The following GUCY1A2 variants were observed in gnomAD, a reference collection of about 807,000 sequenced individuals.
The protein encoded by GUCY1A2 is guanylate cyclase soluble subunit alpha-2.
GUCY1A2 carries 27 observed loss-of-function variants against 63.5 expected under a neutral mutation model. That is an observed-to-expected ratio of 0.43 (90% CI 0.31 to 0.59). GUCY1A2 has a LOEUF of 0.59. Ranked by LOEUF, GUCY1A2 falls within the 20% of genes least tolerant of loss-of-function variation. The pLI, the probability that GUCY1A2 is intolerant of heterozygous loss-of-function variation, is 0.11. For synonymous variants in GUCY1A2, 364 were observed against 343.5 expected, an observed-to-expected ratio of 1.06 and a Z score of -0.66; for missense variants, 768 against 913.3, an observed-to-expected ratio of 0.84 and a Z score of 2.05.
intron 4 of GUCY1A2, among the ~76,000 whole-genome samples, chr11:106,919,563 AAACT>A (rs1296391476): frequency 6.6e-6 from 1 of 152,148 alleles, no homozygotes; most frequent in African/African-American, 2.4e-5. Flanking sequence ...GCAATGTGGA[AAACT>A]AACAATAGAC....
At chr11:106,990,924 T>C (rs1350378432) in intron 1 of GUCY1A2, among the ~76,000 whole-genome samples, 1 of 152,194 alleles carries the variant, frequency 6.6e-6, no homozygotes, top group Non-Finnish European at 1.5e-5. Context: ...TAGTGACATA[T>C]ACTCACAAGA....
intron 5 of GUCY1A2, among the ~76,000 whole-genome samples, chr11:106,803,880 C>T (rs910655688): frequency 6.6e-6 from 1 of 152,158 alleles, no homozygotes; most frequent in Non-Finnish European, 1.5e-5. Context: ...AACCAAAGTG[C>T]TCGCCAAAGG....
chr11:106,823,317 T>G (rs1353861746), intron 4 of GUCY1A2, among the ~76,000 whole-genome samples: 1 of 152,164 alleles, frequency 6.6e-6, no homozygotes, highest in Non-Finnish European at 1.5e-5. Flanking sequence ...CACTGTTTAG[T>G]GCAGACTTAT....
chr11:106,706,088 ATATT>A (rs1319706408), intron 7 of GUCY1A2, among the ~76,000 whole-genome samples: 2 of 152,208 alleles, frequency 1.3e-5, no homozygotes, highest in African/African-American at 2.4e-5. Context: ...AATTATTTGA[ATATT>A]TAAGACAAAA....
intron 3 of GUCY1A2, among the ~76,000 whole-genome samples, chr11:106,954,637 T>C (rs1591341960): frequency 6.6e-6 from 1 of 152,178 alleles, no homozygotes; most frequent in Non-Finnish European, 1.5e-5. Flanking sequence ...GTGTGGGAGT[T>C]TAAGTCTCTT....
intron 4 of GUCY1A2, among the ~76,000 whole-genome samples, chr11:106,868,623 A>C (rs575648440): frequency 6.6e-6 from 1 of 152,286 alleles, no homozygotes; most frequent in East Asian, 1.9e-4. Flanking sequence ...AAACAAATGG[A>C]AGAACATTCC....
At chr11:106,977,453 A>G (rs1333555817) in intron 3 of GUCY1A2, among the ~76,000 whole-genome samples, 1 of 152,190 alleles carries the variant, frequency 6.6e-6, no homozygotes, top group Non-Finnish European at 1.5e-5. Flanking sequence ...TGTTATAGAC[A>G]AACCACTAAC....
chr11:106,874,481 G>C (rs1859722237), intron 4 of GUCY1A2, among the ~76,000 whole-genome samples: 2 of 152,130 alleles, frequency 1.3e-5, no homozygotes, highest in African/African-American at 4.8e-5. Context: ...TCAAAGCAGA[G>C]TTGTTCTGAA....
intron 5 of GUCY1A2, among the ~76,000 whole-genome samples, chr11:106,808,293 C>T (rs1393976544): frequency 6.6e-6 from 1 of 151,860 alleles, no homozygotes; most frequent in Non-Finnish European, 1.5e-5. Flanking sequence ...TTTATATAAA[C>T]ATTTTGTAAG....
intron 4 of GUCY1A2, among the ~76,000 whole-genome samples, chr11:106,918,082 T>C (rs2119889930): frequency 6.9e-6 from 1 of 144,866 alleles, no homozygotes; most frequent in South Asian, 2.5e-4. Context: ...ACTACTGCTC[T>C]GGGTAGAACA....
intron 6 of GUCY1A2, among the ~76,000 whole-genome samples, chr11:106,709,481 T>C (rs1278168254): frequency 1.8e-5 from 1 of 56,180 alleles, no homozygotes; most frequent in Non-Finnish European, 2.8e-5. Flanking sequence ...TATATTATTA[T>C]ATATTTATAT....
intron 5 of GUCY1A2, among the ~76,000 whole-genome samples, chr11:106,801,771 A>C (rs1304704771): frequency 6.6e-6 from 1 of 152,146 alleles, no homozygotes; most frequent in Non-Finnish European, 1.5e-5. Flanking sequence ...TGGATACCCC[A>C]TTTTCCATGA....
chr11:106,781,767 C>T (rs1425345223), intron 5 of GUCY1A2, among the ~76,000 whole-genome samples: 2 of 151,232 alleles, frequency 1.3e-5, no homozygotes, highest in Non-Finnish European at 2.9e-5. Context: ...AGGGTTTCAC[C>T]ATGTTGCCCA....
At position 107,017,750 on chromosome 11, in the gene GUCY1A2, C is replaced by G; in HGVS notation, c.303+3G>C. 1 of 1,395,146 alleles carries G rather than the reference C, an allele frequency of 7.2e-7. No individual in the cohort carries two copies. Among genetic ancestry groups the G allele is most frequent in the Non-Finnish European group, 9.3e-7 (1 of 1,075,814 alleles). The allele number at this position is 1,395,146 out of a possible 1,614,324, so 86.4% of individuals were successfully genotyped here. On this transcript the variant is annotated splice_donor_region_variant and intron_variant, in intron 1 of 7. Coordinates refer to ENST00000526355, the MANE Select transcript of GUCY1A2 (RefSeq NM_000855.3). ...GCGGTCCCCCCTTCCGCCCCCCGCTCACCGAGGGCGCCGTCAGGCGGCTGA... is the reference window on the plus strand; with the variant it reads ...GCGGTCCCCCCTTCCGCCCCCCGCTGACCGAGGGCGCCGTCAGGCGGCTGA...
At chr11:106,994,859 G>T (rs1861515102) in intron 1 of GUCY1A2, among the ~76,000 whole-genome samples, 1 of 152,112 alleles carries the variant, frequency 6.6e-6, no homozygotes, top group African/African-American at 2.4e-5. Context: ...TGAGATTGTT[G>T]TTTTCCCAAA....
chr11:106,840,706 A>G (rs1859184121), intron 4 of GUCY1A2, among the ~76,000 whole-genome samples: 1 of 151,956 alleles, frequency 6.6e-6, no homozygotes, highest in South Asian at 2.1e-4. Context: ...TCAATTTAAA[A>G]TGGTTCTATC....
rs1430883301 is a variant in GUCY1A2 at position 106,939,770 on chromosome 11, G to A, written c.896C>T (p.Thr299Ile). Residue 299 changes from threonine (T) to isoleucine (I), a missense_variant, in exon 4 of 8, where the codon ACT becomes ATT. Thr to Ile is a moderately conservative substitution (Grantham distance 89). This residue lies in a region of GUCY1A2 where 496 missense variants were observed against 486.9 expected (regional missense o/e 1.02). Transcript: ENST00000526355. ...LTFLIKECEN[T>I]NIMKNLPQGT... ...CTGTGGAAGGTTCTTCATGATATTA[G>A]TATTTTCACATTCTTTGATAAGGAA... 2 of 1,613,948 alleles carry A rather than the reference G, an allele frequency of 1.2e-6. No homozygotes were observed. Among genetic ancestry groups the A allele is most frequent in the East Asian group, 4.5e-5 (2 of 44,882 alleles).
At chr11:106,730,570 T>C (rs1863486463) in intron 6 of GUCY1A2, among the ~76,000 whole-genome samples, 1 of 152,122 alleles carries the variant, frequency 6.6e-6, no homozygotes, top group Non-Finnish European at 1.5e-5. Flanking sequence ...AGTGCTGCAG[T>C]GAACATACAC....
intron 2 of GUCY1A2, among the ~76,000 whole-genome samples, chr11:106,981,739 T>C (rs1256662660): frequency 8.5e-5 from 12 of 141,648 alleles, no homozygotes; most frequent in Non-Finnish European, 1.5e-4. Context: ...GAAATTTCAG[T>C]CAAAAAAAAA....
Sources: gnomAD v4.1 joint callset for allele counts (sites outside exome capture counted in the v4.1 genomes callset) on GRCh38, gnomAD v4.1.1 for gene constraint, gnomAD v4.1.1 regional missense constraint, MANE v1.5 for transcripts, NCBI Gene and HGNC (gene_info 2026-07-23, HGNC 2026-07-21) for gene names.